Variants in TCF12 observed in about 807,000 individuals in gnomAD.
TCF12 encodes the protein transcription factor 12, also known as DNA-binding protein HTF4.
TCF12 carries 45 observed loss-of-function variants against 86.0 expected under a neutral mutation model. That is an observed-to-expected ratio of 0.52 (90% CI 0.41 to 0.67). The LOEUF (loss-of-function observed/expected upper bound fraction) is 0.67, where lower values mean the gene tolerates loss of function less well. TCF12 is among the 30% of genes least tolerant of loss of function. The probability of loss-of-function intolerance (pLI) is 0.00; values close to 1 mark genes in which losing one functional copy is unlikely to be tolerated. For missense variants in TCF12, 881 were observed against 859.9 expected (o/e 1.02, Z -0.31); for synonymous variants, 330 against 299.6 (o/e 1.10, Z -1.05).
chr15:57,050,734 T>C (rs2067556309), intron 3 of TCF12, among the ~76,000 whole-genome samples: 1 of 152,208 alleles, frequency 6.6e-6, no homozygotes, highest in Non-Finnish European at 1.5e-5. Context: ...TAATATTGAA[T>C]AATTTTATAT....
intron 3 of TCF12, among the ~76,000 whole-genome samples, chr15:56,956,029 G>C (rs1200021121): frequency 2.6e-5 from 4 of 151,998 alleles, no homozygotes; most frequent in African/African-American, 9.7e-5. Flanking sequence ...CACATTGTGT[G>C]ATGTTTATAT....
chr15:57,187,321 A>G (rs1220769341), intron 6 of TCF12, among the ~76,000 whole-genome samples: 1 of 152,200 alleles, frequency 6.6e-6, no homozygotes, highest in Non-Finnish European at 1.5e-5. Context: ...TGTTGGTAAC[A>G]GTGTGAAAAC....
intron 6 of TCF12, 108 bp downstream of exon 6, chr15:57,166,574 T>G: frequency 1.0e-6 from 1 of 996,506 alleles, no homozygotes; most frequent in Non-Finnish European, 1.4e-6. Flanking sequence ...CTACTGTTTG[T>G]TTAATTTGTA....
chr15:56,981,988 G>A (rs778084639), intron 3 of TCF12, among the ~76,000 whole-genome samples: 23 of 152,126 alleles, frequency 1.5e-4, no homozygotes, highest in Non-Finnish European at 2.6e-4. Flanking sequence ...GGTACACTTG[G>A]TGTAGCTTTT....
chr15:57,068,547 T>C (rs1276473141), intron 4 of TCF12, among the ~76,000 whole-genome samples: 1 of 152,232 alleles, frequency 6.6e-6, no homozygotes, highest in African/African-American at 2.4e-5. Flanking sequence ...AGTCTCTTCC[T>C]GCCAAACTTG....
chr15:57,249,850 A>G lies in TCF12; in HGVS notation c.1115-1500A>G, dbSNP rs1046864153. Reference sequence around the variant, plus strand: ...ATTTAGTCTTTATTATTTTCTGTAAATGACTTATTTTCAGATGCACAATCG... The same window carrying G: ...ATTTAGTCTTTATTATTTTCTGTAAGTGACTTATTTTCAGATGCACAATCG... On this transcript the variant is annotated intron_variant, in intron 13 of 20. Coordinates refer to ENST00000333725, the MANE Select transcript of TCF12 (RefSeq NM_207037.2). 1.1e-4 allele frequency among the ~76,000 whole-genome samples: 16 copies of G among 152,284 alleles called. No individual in the cohort carries two copies. In the East Asian group the frequency reaches 1.5e-3, roughly 15 times the overall value.
chr15:57,008,229 C>A (rs2064591461), intron 3 of TCF12, among the ~76,000 whole-genome samples: 1 of 151,646 alleles, frequency 6.6e-6, no homozygotes, highest in Admixed American at 6.6e-5. Context: ...CCCTCCATTT[C>A]CTCCCAAAGT....
At chr15:57,154,722 A>T (rs2053997555) in intron 5 of TCF12, among the ~76,000 whole-genome samples, 1 of 152,194 alleles carries the variant, frequency 6.6e-6, no homozygotes, top group South Asian at 2.1e-4. Context: ...AATTTTAATG[A>T]AATGAAAGGC....
At chr15:57,221,730 G>T (rs182043341) in intron 8 of TCF12, among the ~76,000 whole-genome samples, 338 of 152,016 alleles carry the variant, frequency 2.2e-3, no homozygotes, top group Non-Finnish European at 2.9e-3. Flanking sequence ...TAAGACCCTA[G>T]ACTTGTATGT....
intron 16 of TCF12, among the ~76,000 whole-genome samples, chr15:57,257,805 A>AG (rs2060418253): frequency 2.6e-5 from 4 of 152,084 alleles, no homozygotes. Flanking sequence ...CATTTGGCTG[A>AG]GCATTTCCTT....
At chr15:56,983,248 CA>C (rs1196469892) in intron 3 of TCF12, among the ~76,000 whole-genome samples, 2 of 152,134 alleles carry the variant, frequency 1.3e-5, no homozygotes, top group Non-Finnish European at 2.9e-5. Flanking sequence ...CCTCTCTTGG[CA>C]AAAGAGAGAT....
At chr15:56,940,564 C>CTCT (rs372805592) in intron 3 of TCF12, among the ~76,000 whole-genome samples, 1,737 of 139,650 alleles carry the variant, frequency 0.012, 42 homozygotes, top group African/African-American at 0.044. Context: ...TTTCCTCTTC[C>CTCT]TCTTCTTCTT....
At chr15:57,007,784 T>C (rs565707024) in intron 3 of TCF12, among the ~76,000 whole-genome samples, 53 of 60,172 alleles carry the variant, frequency 8.8e-4, no homozygotes, top group African/African-American at 2.6e-3. Flanking sequence ...CTTTCTTTCT[T>C]TCTTTCTCTC....
At chr15:57,019,050 G>A (rs767703617) in intron 3 of TCF12, among the ~76,000 whole-genome samples, 48 of 152,136 alleles carry the variant, frequency 3.2e-4, no homozygotes, top group Non-Finnish European at 6.2e-4. Context: ...TTGGAATTTG[G>A]TAGCTGTTAA....
At chr15:57,192,314 A>T in intron 7 of TCF12, 21 bp downstream of exon 7, 1 of 1,611,348 alleles carries the variant, frequency 6.2e-7, no homozygotes, top group Non-Finnish European at 8.5e-7. Flanking sequence ...CACACAACAA[A>T]TCCCATCCCA....
intron 3 of TCF12, among the ~76,000 whole-genome samples, chr15:57,010,302 C>G (rs575848398): frequency 1.3e-5 from 2 of 152,060 alleles, no homozygotes; most frequent in South Asian, 2.1e-4. Context: ...AATTCCAACA[C>G]TTTGGGAGGC....
intron 7 of TCF12, among the ~76,000 whole-genome samples, chr15:57,195,378 A>G (rs948378870): frequency 6.6e-6 from 1 of 152,238 alleles, no homozygotes; most frequent in Non-Finnish European, 1.5e-5. Flanking sequence ...TCTTTTACTA[A>G]TAATGACCTC....
chr15:57,085,936 C>T (rs1052120043), intron 4 of TCF12, among the ~76,000 whole-genome samples: 4 of 152,038 alleles, frequency 2.6e-5, no homozygotes, highest in Admixed American at 6.6e-5. Flanking sequence ...TTGTTCAATC[C>T]GGTTAGATAA....
intron 3 of TCF12, among the ~76,000 whole-genome samples, chr15:56,995,263 T>TTTTTTTG: frequency 7.5e-6 from 1 of 132,546 alleles, no homozygotes; most frequent in Non-Finnish European, 1.6e-5. Flanking sequence ...TTTTTTTGCT[T>TTTTTTTG]AGGATTGCTT....
Sources: gnomAD v4.1 joint callset for allele counts (sites outside exome capture counted in the v4.1 genomes callset) on GRCh38, gnomAD v4.1.1 for gene constraint, MANE v1.5 for transcripts, NCBI Gene and HGNC (gene_info 2026-07-23, HGNC 2026-07-21) for gene names.